The following RBFOX1 variants were observed in gnomAD, a reference collection of about 807,000 sequenced individuals.
RBFOX1 encodes the protein RNA binding protein fox-1 homolog 1.
RBFOX1 carries 8 observed loss-of-function variants against 57.7 expected under a neutral mutation model. The observed-to-expected ratio is 0.14, with a 90% CI of 0.08 to 0.25. The LOEUF (loss-of-function observed/expected upper bound fraction) is 0.25, where lower values mean the gene tolerates loss of function less well. Ranked by LOEUF, RBFOX1 falls within the 10% of genes least tolerant of loss-of-function variation. RBFOX1 has a pLI of 1.00. For missense variants in RBFOX1, 611 were observed against 548.5 expected, an observed-to-expected ratio of 1.11 and a Z score of -1.14; for synonymous variants, 326 against 222.4, an observed-to-expected ratio of 1.47 and a Z score of -4.15.
chr16:5,877,945 A>G (rs1485331052), intron 4 of RBFOX1, among the ~76,000 whole-genome samples: 1 of 152,074 alleles, frequency 6.6e-6, no homozygotes, highest in Non-Finnish European at 1.5e-5. Context: ...CTAGTCCTCA[A>G]TTTGGTCCAG....
chr16:5,783,722 C>T (rs918779196), intron 3 of RBFOX1, among the ~76,000 whole-genome samples: 2 of 152,124 alleles, frequency 1.3e-5, no homozygotes, highest in African/African-American at 4.8e-5. Flanking sequence ...TCTAAAATTC[C>T]AGCCTGCTGA....
At chr16:6,897,775 CAG>C (rs776527817) in intron 3 of RBFOX1, among the ~76,000 whole-genome samples, 81 of 152,290 alleles carry the variant, frequency 5.3e-4, no homozygotes, top group Non-Finnish European at 1.0e-3. Flanking sequence ...CCTTGGATGA[CAG>C]AGCGAGATTC....
intron 4 of RBFOX1, among the ~76,000 whole-genome samples, chr16:5,882,967 G>T (rs2057800233): frequency 6.6e-6 from 1 of 152,140 alleles, no homozygotes; most frequent in East Asian, 1.9e-4. Context: ...GAACGTTGTT[G>T]TTGGCATTTT....
intron 1 of RBFOX1, among the ~76,000 whole-genome samples, chr16:5,335,651 G>GT (rs972829985): frequency 6.6e-6 from 1 of 152,160 alleles, no homozygotes; most frequent in African/African-American, 2.4e-5. Flanking sequence ...ATTAATGTTG[G>GT]TTTTTTGTGT....
In RBFOX1 at chr16:6,661,085, A is replaced by T. The variant is rs139505424; in HGVS notation, c.-16+6435A>T. ...CTTCATATCTTGGGAGCTGTTATTCAGCTAAATGTGGCCATGTGGAATATA... is the reference window on the plus strand; with the variant it reads ...CTTCATATCTTGGGAGCTGTTATTCTGCTAAATGTGGCCATGTGGAATATA... On this transcript the variant is annotated intron_variant, in intron 3 of 15. Coordinates refer to ENST00000550418, the MANE Select transcript of RBFOX1 (RefSeq NM_018723.4). Among the ~76,000 whole-genome samples, 1,481 of 152,330 alleles carry T rather than the reference A, an allele frequency of 9.7e-3. 29 individuals carry two copies. The highest frequency in any genetic ancestry group is 0.033 in the African/African-American group (1,389 of 41,558).
chr16:7,151,604 G>C (rs1567471251), intron 4 of RBFOX1, among the ~76,000 whole-genome samples: 1 of 152,098 alleles, frequency 6.6e-6, no homozygotes, highest in African/African-American at 2.4e-5. Flanking sequence ...AAAATGGAGG[G>C]AATGATTTCA....
chr16:6,700,587 G>A (rs891902732), intron 3 of RBFOX1, among the ~76,000 whole-genome samples: 1 of 152,066 alleles, frequency 6.6e-6, no homozygotes, highest in Non-Finnish European at 1.5e-5. Context: ...GAACCCGGGA[G>A]GCAGAGGTTG....
intron 10 of RBFOX1, among the ~76,000 whole-genome samples, chr16:7,618,564 A>G (rs561841959): frequency 7.3e-4 from 111 of 152,180 alleles, no homozygotes; most frequent in Non-Finnish European, 1.0e-3. Context: ...TGTTATCATT[A>G]GATTATAAAC....
intron 3 of RBFOX1, among the ~76,000 whole-genome samples, chr16:6,871,444 C>T (rs755401602): frequency 3.9e-5 from 6 of 152,208 alleles, no homozygotes; most frequent in Non-Finnish European, 7.4e-5. Flanking sequence ...CCTCAGCCTC[C>T]CAAATTGCTG....
intron 3 of RBFOX1, among the ~76,000 whole-genome samples, chr16:5,737,232 C>G (rs774032385): frequency 6.6e-6 from 1 of 151,870 alleles, no homozygotes; most frequent in Non-Finnish European, 1.5e-5. Flanking sequence ...GCCTGTAATC[C>G]CAGCACTTTG....
At chr16:6,816,735 C>CT (rs2090158866) in intron 3 of RBFOX1, among the ~76,000 whole-genome samples, 1 of 109,750 alleles carries the variant, frequency 9.1e-6, no homozygotes, top group Non-Finnish European at 1.9e-5. Context: ...GCAAGACTGT[C>CT]TCAAAAAAAA....
intron 4 of RBFOX1, among the ~76,000 whole-genome samples, chr16:7,460,840 T>G (rs1390839327): frequency 6.6e-6 from 1 of 152,118 alleles, no homozygotes; most frequent in Non-Finnish European, 1.5e-5. Flanking sequence ...CTCCCAAAAT[T>G]TCTGATTTGA....
At chr16:6,948,209 A>G (rs1253435619) in intron 3 of RBFOX1, among the ~76,000 whole-genome samples, 1 of 152,006 alleles carries the variant, frequency 6.6e-6, no homozygotes, top group South Asian at 2.1e-4. Flanking sequence ...AGGTGAGAGG[A>G]TGGCTTGAGC....
downstream of RBFOX1, among the ~76,000 whole-genome samples, chr16:5,602,706 A>G (rs1157904676): frequency 6.6e-6 from 1 of 152,066 alleles, no homozygotes; most frequent in Non-Finnish European, 1.5e-5. Flanking sequence ...TATAGTGAGC[A>G]GTTATTTTCT....
chr16:6,071,469 C>T (rs1332816842), intron 1 of RBFOX1, among the ~76,000 whole-genome samples: 1 of 151,904 alleles, frequency 6.6e-6, no homozygotes, highest in South Asian at 2.1e-4. Flanking sequence ...TACAACAAAC[C>T]CCAATAACAT....
intron 3 of RBFOX1, among the ~76,000 whole-genome samples, chr16:6,959,258 G>C (rs1167104308): frequency 1.3e-5 from 2 of 152,184 alleles, no homozygotes; most frequent in Non-Finnish European, 2.9e-5. Context: ...GGCAGATTTT[G>C]TGAGGCCATG....
At chr16:7,213,147 A>G (rs2152800518) in intron 4 of RBFOX1, among the ~76,000 whole-genome samples, 1 of 152,210 alleles carries the variant, frequency 6.6e-6, no homozygotes, top group South Asian at 2.1e-4. Context: ...TGAAGCCCGA[A>G]CTCCCTAACC....
chr16:6,001,968 C>CTTT (rs35956460), intron 4 of RBFOX1, among the ~76,000 whole-genome samples: 1 of 136,112 alleles, frequency 7.3e-6, no homozygotes, highest in Non-Finnish European at 1.6e-5. Flanking sequence ...GCTCTTAAAC[C>CTTT]TTTTTTTTTT....
At chr16:7,443,374 C>G (rs1567193146) in intron 4 of RBFOX1, among the ~76,000 whole-genome samples, 1 of 151,976 alleles carries the variant, frequency 6.6e-6, no homozygotes, top group African/African-American at 2.4e-5. Context: ...CACACACTCT[C>G]TTTCACATTA....
Sources: gnomAD v4.1 joint callset for allele counts (sites outside exome capture counted in the v4.1 genomes callset) on GRCh38, gnomAD v4.1.1 for gene constraint, MANE v1.5 for transcripts, NCBI Gene and HGNC (gene_info 2026-07-23, HGNC 2026-07-21) for gene names.